Variants in GRK7 observed in about 807,000 individuals in gnomAD.
The protein encoded by GRK7 is G protein-coupled receptor kinase 7.
Under a neutral mutation model 34.1 loss-of-function variants are expected in GRK7, and 24 were observed. The observed-to-expected ratio is 0.70, with a 90% CI of 0.51 to 0.99. The LOEUF is 0.99. GRK7 is among the 50% of genes least tolerant of loss of function. The pLI is 0.00. For missense variants in GRK7, 644 were observed against 707.3 expected (o/e 0.91, Z 1.02); for synonymous variants, 256 against 279.4 (o/e 0.92, Z 0.84).
intron 1 of GRK7, among the ~76,000 whole-genome samples, chr3:141,768,122 G>A (rs1447043175): frequency 4.6e-5 from 7 of 152,014 alleles, no homozygotes; most frequent in Admixed American, 2.0e-4. Context: ...ACTGTGTCAC[G>A]GTTATCATGG....
Position 141,817,351 on chromosome 3 carries a change from C to T in GRK7, c.*301C>T, listed in dbSNP as rs1409550117. On this transcript the variant is annotated 3_prime_UTR_variant, in exon 6 of 6. Transcript: ENST00000682958. The stretch of plus-strand genomic sequence containing the variant: ...ATGTCCCTGTGTATTACGCAAAGTC[C>T]TAGGAACAGAGAATGGAACTTTGTG... The T allele has an allele frequency of 3.8e-6, 1 of 265,206 alleles. No individual in the cohort carries two copies. The highest frequency in any genetic ancestry group is 2.2e-5 in the African/African-American group (1 of 45,458). The allele number at this position is 265,206 out of a possible 1,614,324, so 16.4% of individuals were successfully genotyped here. A position where few individuals can be genotyped will look rare whatever the true frequency, so the allele number is the denominator to read the frequency against.
At chr3:141,751,989 A>G in the GRK7 span, among the ~76,000 whole-genome samples, 2 of 152,232 alleles carry the variant, frequency 1.3e-5, no homozygotes, top group African/African-American at 2.4e-5. Flanking sequence ...TCAAAAGATT[A>G]TCTTAAAACT....
At chr3:141,804,535 CACACACACATACACACACTCACATA>C (rs1195062873) in intron 4 of GRK7, among the ~76,000 whole-genome samples, 2 of 152,012 alleles carry the variant, frequency 1.3e-5, no homozygotes, top group Non-Finnish European at 2.9e-5. Context: ...ATTCTCAACA[CACACACACATACACACACTCACATA>C]ACACACACAT....
the GRK7 span, among the ~76,000 whole-genome samples, chr3:141,754,387 C>G: frequency 6.7e-6 from 1 of 149,752 alleles, no homozygotes; most frequent in African/African-American, 2.5e-5. Context: ...TTTTCTTTAG[C>G]AAGACATTGA....
chr3:141,753,123 C>T, the GRK7 span, among the ~76,000 whole-genome samples: 6,369 of 152,328 alleles, frequency 0.042, 162 homozygotes, highest in Non-Finnish European at 0.056. Flanking sequence ...TGCAGGCAGT[C>T]TGGCTCTGGA....
Position 141,778,279 on chromosome 3 carries a change from T to G in GRK7, c.-6T>G. The G allele has an allele frequency of 6.4e-7, 1 of 1,551,174 alleles. No individual in the cohort carries two copies. The highest frequency in any genetic ancestry group is 8.7e-7 in the Non-Finnish European group (1 of 1,147,292). ...CTTTCCCTGGGAGTGCGCCCCGTGC[T>G]CAGCCATGGTGGACATGGGGGCCCT... On this transcript the variant is annotated 5_prime_UTR_variant, in exon 3 of 6. Transcript: ENST00000682958. This position sits in a 1 kb window ranked among gnomAD's most constrained non-coding sequence, Gnocchi z 4.1.
rs773308032 is a variant in GRK7, at chr3:141,778,628, G to A, written c.344G>A (p.Ser115Asn). 1.3e-5 allele frequency: 21 copies of A among 1,612,306 alleles called. No individual in the cohort carries two copies. The highest frequency in any genetic ancestry group is 1.6e-5 in the Non-Finnish European group (19 of 1,179,348). The stretch of plus-strand genomic sequence containing the variant: ...CAGGGGCTGGTGGCCACTTGTGCGA[G>A]TGCCCCTGCCCCGGGGAACCCGCAA... ...ALQGLVATCA[S>N]APAPGNPQPF... The change falls in exon 3 of 6, where the codon AGT (serine) becomes AAT (asparagine). Residue 115 changes from serine (S) to asparagine (N), a missense_variant. Physicochemically the swap from Ser to Asn is conservative, Grantham distance 46. Transcript: ENST00000682958. This position sits in a 1 kb window ranked among gnomAD's most constrained non-coding sequence, Gnocchi z 4.1.
In GRK7 at chr3:141,817,319, T is replaced by C. The variant is rs542251901; in HGVS notation, c.*269T>C. 2.0e-5 allele frequency: 7 copies of C among 354,512 alleles called. No individual in the cohort carries two copies. The highest frequency in any genetic ancestry group is 8.0e-5 in the South Asian group (1 of 12,526). 22.0% of individuals were successfully genotyped at this position (354,512 alleles called of 1,614,324 possible). A position where few individuals can be genotyped will look rare whatever the true frequency, so the allele number is the denominator to read the frequency against. The stretch of plus-strand genomic sequence containing the variant: ...TGATAAACTGAAAGCATCAGCCTTT[T>C]ACCATCATGTCCCTGTGTATTACGC... On this transcript the variant is annotated 3_prime_UTR_variant, in exon 6 of 6. Transcript: ENST00000682958.
Position 141,817,446 on chromosome 3 carries a change from T to C in GRK7, c.*396T>C, listed in dbSNP as rs1282558756. ...TTTTAGTTTTTCTTTGTTTATATCT[T>C]TTTTTCCCTTCATCTTTCTTCGCTT... On this transcript the variant is annotated 3_prime_UTR_variant, in exon 6 of 6. Coordinates refer to ENST00000682958, the MANE Select transcript of GRK7 (RefSeq NM_139209.3). The C allele has an allele frequency of 6.3e-6, 1 of 158,704 alleles. No homozygotes were observed. Among genetic ancestry groups the C allele is most frequent in the Non-Finnish European group, 1.4e-5 (1 of 72,646 alleles). The allele number at this position is 158,704 out of a possible 1,614,324, so 9.8% of individuals were successfully genotyped here. A position where few individuals can be genotyped will look rare whatever the true frequency, so the allele number is the denominator to read the frequency against.
chr3:141,817,485 A>G lies in GRK7; in HGVS notation c.*435A>G, dbSNP rs1352950550. On this transcript the variant is annotated 3_prime_UTR_variant, in exon 6 of 6. Coordinates refer to ENST00000682958, the MANE Select transcript of GRK7 (RefSeq NM_139209.3). Reference sequence around the variant, plus strand: ...CTTTCTTCGCTTCTATACTTATAAAAAGGATTTTGAAGCTGGAAACAAATG... The same window carrying G: ...CTTTCTTCGCTTCTATACTTATAAAGAGGATTTTGAAGCTGGAAACAAATG... 6.5e-6 allele frequency: 1 copy of G among 153,300 alleles called. No homozygotes were observed. The highest frequency in any genetic ancestry group is 1.5e-5 in the Non-Finnish European group (1 of 68,840). The allele number at this position is 153,300 out of a possible 1,614,324, so 9.5% of individuals were successfully genotyped here.
intron 5 of GRK7, among the ~76,000 whole-genome samples, chr3:141,812,420 C>T (rs1711101890): frequency 6.6e-6 from 1 of 152,184 alleles, no homozygotes. Flanking sequence ...AATGACGGAA[C>T]TGTGGTGGGA....
the GRK7 span, among the ~76,000 whole-genome samples, chr3:141,756,356 C>T: frequency 7.5e-4 from 100 of 132,536 alleles, no homozygotes; most frequent in African/African-American, 2.9e-3. Context: ...CTGATGCAGG[C>T]GACAGCCTGG....
At chr3:141,752,579 C>T in the GRK7 span, among the ~76,000 whole-genome samples, 3 of 152,138 alleles carry the variant, frequency 2.0e-5, no homozygotes, top group Admixed American at 6.5e-5. Flanking sequence ...AAAATATGGC[C>T]ATTGATAATA....
intron 5 of GRK7, among the ~76,000 whole-genome samples, chr3:141,810,897 C>G (rs1405693963): frequency 6.6e-6 from 1 of 152,132 alleles, no homozygotes; most frequent in African/African-American, 2.4e-5. Flanking sequence ...CCCTCATGAT[C>G]TTCAAGTTCA....
chr3:141,766,557 G>A (rs1474248119), intron 1 of GRK7, among the ~76,000 whole-genome samples: 2 of 151,696 alleles, frequency 1.3e-5, no homozygotes, highest in Non-Finnish European at 2.9e-5. Context: ...CAGACTCACC[G>A]AAATTTCTAA....
At chr3:141,816,113 G>A (rs1577930266) in intron 5 of GRK7, among the ~76,000 whole-genome samples, 1 of 152,254 alleles carries the variant, frequency 6.6e-6, no homozygotes, top group Non-Finnish European at 1.5e-5. Context: ...ATAATTTCTA[G>A]CATAGAGATG....
intron 4 of GRK7, among the ~76,000 whole-genome samples, chr3:141,803,574 A>G (rs748242518): frequency 1.4e-4 from 21 of 152,106 alleles, no homozygotes; most frequent in Non-Finnish European, 2.8e-4. Context: ...GCAACCATTC[A>G]TCTATTTTCT....
At chr3:141,752,854 T>C in the GRK7 span, among the ~76,000 whole-genome samples, 1 of 152,168 alleles carries the variant, frequency 6.6e-6, no homozygotes, top group South Asian at 2.1e-4. Flanking sequence ...GAGAGGGATA[T>C]CTCTCTTTTC....
intron 5 of GRK7, among the ~76,000 whole-genome samples, chr3:141,812,266 C>T (rs190612190): frequency 1.8e-4 from 28 of 152,342 alleles, no homozygotes; most frequent in Non-Finnish European, 3.4e-4. Flanking sequence ...CTGCAGCTGC[C>T]TCTTTGGCTG....
Sources: gnomAD v4.1 joint callset for allele counts (sites outside exome capture counted in the v4.1 genomes callset) on GRCh38, gnomAD v4.1.1 for gene constraint, Gnocchi (gnomAD v3.1) non-coding constraint, MANE v1.5 for transcripts, NCBI Gene and HGNC (gene_info 2026-07-23, HGNC 2026-07-21) for gene names.